Variants in DGKI observed in about 807,000 individuals in gnomAD.
DGKI encodes DAG kinase iota.
In DGKI, 55 loss-of-function variants were observed where a neutral mutation model predicts 147.5. The ratio of observed to expected loss-of-function variants is 0.37; its 90% CI spans 0.30 to 0.47. The LOEUF is 0.47. DGKI is among the 20% of genes least tolerant of loss of function. The probability of loss-of-function intolerance (pLI) is 1.00; values close to 1 mark genes in which losing one functional copy is unlikely to be tolerated. For synonymous variants in DGKI, 469 were observed against 477.1 expected (o/e 0.98, Z 0.22); for missense variants, 1,007 against 1,323.8 (o/e 0.76, Z 3.71).
At chr7:137,721,952 A>C in intron 1 of DGKI, 1 of 1,288,464 alleles carries the variant, frequency 7.8e-7, no homozygotes, top group Non-Finnish European at 1.1e-6. Flanking sequence ...TCAGCTTAGA[A>C]GTATAGCATA....
intron 1 of DGKI, among the ~76,000 whole-genome samples, chr7:137,770,939 C>T (rs924510186): frequency 1.3e-5 from 2 of 152,064 alleles, no homozygotes; most frequent in African/African-American, 4.8e-5. Context: ...AAGAGTTACC[C>T]ACTTTACCTA....
At chr7:137,602,473 A>G (rs1038811089) in intron 10 of DGKI, among the ~76,000 whole-genome samples, 10 of 152,134 alleles carry the variant, frequency 6.6e-5, no homozygotes, top group Non-Finnish European at 1.3e-4. Flanking sequence ...TGAAATTGAC[A>G]TTCAGGCATG....
At chr7:137,434,048 G>A (rs979377986) in intron 28 of DGKI, among the ~76,000 whole-genome samples, 1 of 151,526 alleles carries the variant, frequency 6.6e-6, no homozygotes, top group African/African-American at 2.4e-5. Flanking sequence ...GAACCTGGGA[G>A]GCAGAGGTTG....
At chr7:137,567,426 G>C (rs910796184) in intron 19 of DGKI, among the ~76,000 whole-genome samples, 5 of 152,154 alleles carry the variant, frequency 3.3e-5, no homozygotes, top group Non-Finnish European at 7.4e-5. Flanking sequence ...TTACAAAGTA[G>C]ATTTGGGGGA....
chr7:137,834,516 G>C lies in DGKI; in HGVS notation c.401+11946C>G, dbSNP rs529068260. 3.3e-5 allele frequency among the ~76,000 whole-genome samples: 5 copies of C among 152,294 alleles called. No homozygotes were observed. In the South Asian group the frequency reaches 1.0e-3, roughly 32 times the overall value. On this transcript the variant is annotated intron_variant, in intron 1 of 32. Coordinates refer to ENST00000614521, the MANE Select transcript of DGKI (RefSeq NM_001321708.2). ...TTCTGAGTCTGACTTTTAGTTCCTG[G>C]AAGAGGTATTTTGCCTTAAATGGAA...
chr7:137,612,330 G>C (rs1012514062), intron 8 of DGKI, among the ~76,000 whole-genome samples: 1 of 147,668 alleles, frequency 6.8e-6, no homozygotes, highest in Non-Finnish European at 1.5e-5. Flanking sequence ...AACAAGAACA[G>C]GGCAGAGACC....
At chr7:137,735,482 T>C (rs945273559) in intron 1 of DGKI, among the ~76,000 whole-genome samples, 2 of 152,098 alleles carry the variant, frequency 1.3e-5, no homozygotes, top group South Asian at 2.1e-4. Flanking sequence ...CTGAAGATAC[T>C]GGTGTACAAG....
At chr7:137,573,975 G>A (rs834440) in intron 17 of DGKI, among the ~76,000 whole-genome samples, 3,164 of 152,300 alleles carry the variant, frequency 0.021, 108 homozygotes, top group African/African-American at 0.072. Flanking sequence ...GCCTGCTCTC[G>A]TATTTGCTTT....
intron 1 of DGKI, among the ~76,000 whole-genome samples, chr7:137,838,685 A>G (rs1798458385): frequency 6.6e-6 from 1 of 152,086 alleles, no homozygotes; most frequent in East Asian, 1.9e-4. Context: ...TTTTTAGGGG[A>G]AAAAAAATGA....
At chr7:137,466,059 T>C (rs1459704065) in intron 25 of DGKI, 24 bp from the exon 26 acceptor site, 3 of 1,611,894 alleles carry the variant, frequency 1.9e-6, no homozygotes, top group Non-Finnish European at 2.5e-6. Context: ...AGAAGTCTGT[T>C]GCATGAAGAA....
chr7:137,773,250 G>T (rs1473760595), intron 1 of DGKI, among the ~76,000 whole-genome samples: 1 of 152,128 alleles, frequency 6.6e-6, no homozygotes, highest in African/African-American at 2.4e-5. Context: ...TGCATAAAAT[G>T]GTACCACACG....
At chr7:137,579,436 T>TA (rs71533758) in intron 15 of DGKI, among the ~76,000 whole-genome samples, 25,848 of 107,834 alleles carry the variant, frequency 0.24, 3,740 homozygotes, top group African/African-American at 0.46. Context: ...ACAGAAACAG[T>TA]AAAAAAAAAA....
At chr7:137,663,923 T>TC (rs1822536218) in intron 3 of DGKI, among the ~76,000 whole-genome samples, 1 of 150,796 alleles carries the variant, frequency 6.6e-6, no homozygotes, top group South Asian at 2.1e-4. Flanking sequence ...CACTTAACCC[T>TC]CAATCAGCCC....
At chr7:137,634,575 G>T (rs1935137421) in intron 6 of DGKI, among the ~76,000 whole-genome samples, 1 of 152,150 alleles carries the variant, frequency 6.6e-6, no homozygotes, top group South Asian at 2.1e-4. Context: ...TTAATCCATT[G>T]TTATAGTAAG....
At chr7:137,716,365 C>T (rs972478149) in intron 1 of DGKI, among the ~76,000 whole-genome samples, 4 of 152,160 alleles carry the variant, frequency 2.6e-5, no homozygotes, top group Non-Finnish European at 4.4e-5. Flanking sequence ...GCTAACTATT[C>T]GAGCTCATGA....
At chr7:137,467,913 G>A (rs916058705) in intron 24 of DGKI, among the ~76,000 whole-genome samples, 23 of 151,418 alleles carry the variant, frequency 1.5e-4, no homozygotes, top group African/African-American at 5.3e-4. Flanking sequence ...GAGCCCAGGA[G>A]TTCAAGGCTG....
chr7:137,616,596 A>G (rs1263603161), intron 8 of DGKI, among the ~76,000 whole-genome samples: 1 of 151,638 alleles, frequency 6.6e-6, no homozygotes, highest in Non-Finnish European at 1.5e-5. Context: ...CTCATGGCTC[A>G]TAACAAATGT....
At position 137,391,195 on chromosome 7, in the gene DGKI, T is replaced by G. The variant is rs745875697; in HGVS notation, c.*25A>C. On this transcript the variant is annotated 3_prime_UTR_variant, in exon 33 of 33. Coordinates refer to ENST00000614521, the MANE Select transcript of DGKI (RefSeq NM_001321708.2). ...AGGGCAGATGTGATACGCTTGCTCATGTCCTCTTTGCCCGAATACCAGGGT... is the reference window on the plus strand; with the variant it reads ...AGGGCAGATGTGATACGCTTGCTCAGGTCCTCTTTGCCCGAATACCAGGGT... The G allele has an allele frequency of 6.4e-7, 1 of 1,571,426 alleles. No individual in the cohort carries two copies. The highest frequency in any genetic ancestry group is 1.7e-5 in the Admixed American group (1 of 59,978).
chr7:137,519,826 A>T (rs1425502391), intron 21 of DGKI, among the ~76,000 whole-genome samples: 1 of 152,038 alleles, frequency 6.6e-6, no homozygotes, highest in Non-Finnish European at 1.5e-5. Flanking sequence ...AAGTAGAATG[A>T]TTGAGTTGGT....
Sources: gnomAD v4.1 joint callset for allele counts (sites outside exome capture counted in the v4.1 genomes callset) on GRCh38, gnomAD v4.1.1 for gene constraint, MANE v1.5 for transcripts, NCBI Gene and HGNC (gene_info 2026-07-23, HGNC 2026-07-21) for gene names.